PHF24: variants seen among roughly 807,000 people sequenced by gnomAD.
The protein encoded by PHF24 is Galpha inhibitory interacting protein.
PHF24 carries 25 observed loss-of-function variants against 42.6 expected under a neutral mutation model. That is an observed-to-expected ratio of 0.59 (90% CI 0.43 to 0.82). PHF24 has a LOEUF of 0.82. Ranked by LOEUF, PHF24 falls within the 40% of genes least tolerant of loss-of-function variation. The pLI is 0.00. For synonymous variants in PHF24, 185 were observed against 204.8 expected, an observed-to-expected ratio of 0.90 and a Z score of 0.83; for missense variants, 470 against 538.1, an observed-to-expected ratio of 0.87 and a Z score of 1.25.
the PHF24 span, among the ~76,000 whole-genome samples, chr9:34,768,188 G>C: frequency 6.6e-6 from 1 of 152,200 alleles, no homozygotes; most frequent in African/African-American, 2.4e-5. Flanking sequence ...TGCACTCCCA[G>C]AGCTTATTCT....
chr9:34,919,691 T>TACAC, the PHF24 span, among the ~76,000 whole-genome samples: 45 of 148,296 alleles, frequency 3.0e-4, 1 homozygote, highest in African/African-American at 9.2e-4. Flanking sequence ...ACCCAGTAAT[T>TACAC]ACACACACAC....
chr9:34,977,701 G>T lies in PHF24; in HGVS notation c.1106+60G>T, dbSNP rs180816093. The stretch of plus-strand genomic sequence containing the variant: ...CTCTGAACCCCCACAAAACACACAA[G>T]TAAGAGAGGGCATTACCCACTCCCA... On this transcript the variant is annotated intron_variant, in intron 7 of 7. Transcript: ENST00000242315. 133 of 1,377,188 alleles carry T rather than the reference G, an allele frequency of 9.7e-5. 3 individuals are homozygous for T. The East Asian group carries it at 3.2e-3, about 34-fold the overall frequency. 85.3% of individuals were successfully genotyped at this position (1,377,188 alleles called of 1,614,324 possible). A position where few individuals can be genotyped will look rare whatever the true frequency, so the allele number is the denominator to read the frequency against.
the PHF24 span, among the ~76,000 whole-genome samples, chr9:34,950,105 GA>G: frequency 6.6e-6 from 1 of 151,632 alleles, no homozygotes. Context: ...ATTAAAAAAA[GA>G]ATTGACTGGT....
chr9:34,976,455 C>T, intron 4 of PHF24, 80 bp from the exon 5 acceptor site: 4 of 1,484,730 alleles, frequency 2.7e-6, no homozygotes, highest in Non-Finnish European at 3.7e-6. Flanking sequence ...TTTGGGGGCC[C>T]CGAGGGTGCC....
At chr9:34,838,286 T>C in the PHF24 span, 1 of 699,868 alleles carries the variant, frequency 1.4e-6, no homozygotes, top group African/African-American at 1.8e-5. Context: ...GGAAGGACTC[T>C]GGAGCTTAAA....
the PHF24 span, among the ~76,000 whole-genome samples, chr9:34,935,994 CA>C: frequency 4.8e-4 from 69 of 142,760 alleles, no homozygotes; most frequent in South Asian, 1.3e-3. Context: ...TAAGAGTCCT[CA>C]AAAAAAAAAA....
chr9:34,881,564 CAG>C, the PHF24 span, among the ~76,000 whole-genome samples: 23 of 152,194 alleles, frequency 1.5e-4, no homozygotes, highest in Non-Finnish European at 2.9e-4. Flanking sequence ...AAACTATCAT[CAG>C]AGAATACTAT....
At chr9:34,811,417 G>A in the PHF24 span, among the ~76,000 whole-genome samples, 1 of 152,228 alleles carries the variant, frequency 6.6e-6, no homozygotes, top group African/African-American at 2.4e-5. Flanking sequence ...GAATGGGTAA[G>A]TCATGGCAGG....
chr9:34,693,829 A>T, the PHF24 span, among the ~76,000 whole-genome samples: 17 of 152,142 alleles, frequency 1.1e-4, no homozygotes, highest in African/African-American at 3.9e-4. Context: ...GTAAGTTATT[A>T]CTTTTTGTCC....
At chr9:34,838,741 A>C in the PHF24 span, among the ~76,000 whole-genome samples, 54,724 of 151,920 alleles carry the variant, frequency 0.36, 10,203 homozygotes, top group East Asian at 0.66. Context: ...AGCAGTGTCT[A>C]TTTCCTAGTC....
intron 1 of PHF24, among the ~76,000 whole-genome samples, chr9:34,962,054 A>C (rs1178023933): frequency 6.6e-6 from 1 of 152,192 alleles, no homozygotes; most frequent in Non-Finnish European, 1.5e-5. Context: ...TTGGGTCCTA[A>C]GGCCAAACAA....
the PHF24 span, among the ~76,000 whole-genome samples, chr9:34,875,944 ACACACACTCTCTCTCTCTCTCTCTCT>A: frequency 1.4e-4 from 12 of 85,586 alleles, no homozygotes; most frequent in Non-Finnish European, 2.0e-4. Context: ...ACACACACAC[ACACACACTCTCTCTCTCTCTCTCTCT>A]CTCTCTCTCT....
the PHF24 span, among the ~76,000 whole-genome samples, chr9:34,666,287 G>T: frequency 6.6e-6 from 1 of 152,138 alleles, no homozygotes; most frequent in Non-Finnish European, 1.5e-5. Flanking sequence ...AGCAAGAAAA[G>T]AGAGTTGGGA....
the PHF24 span, among the ~76,000 whole-genome samples, chr9:34,802,962 C>T: frequency 6.6e-6 from 1 of 152,152 alleles, no homozygotes; most frequent in Admixed American, 6.5e-5. Flanking sequence ...CCTGATTAAA[C>T]ATAAACAAAT....
At chr9:34,823,421 A>G in the PHF24 span, among the ~76,000 whole-genome samples, 5 of 152,090 alleles carry the variant, frequency 3.3e-5, no homozygotes, top group Non-Finnish European at 7.4e-5. Flanking sequence ...CATGCCATCC[A>G]GGAGGCCATT....
chr9:34,913,375 A>G, the PHF24 span, among the ~76,000 whole-genome samples: 4 of 152,174 alleles, frequency 2.6e-5, no homozygotes, highest in South Asian at 2.1e-4. Flanking sequence ...CAAGAAAACC[A>G]TGCCCTAACA....
At chr9:34,709,532 G>C in the PHF24 span, 1 of 1,614,086 alleles carries the variant, frequency 6.2e-7, no homozygotes, top group Non-Finnish European at 8.5e-7. Context: ...TTCCTTTCTT[G>C]CCAGTCTTGG....
the PHF24 span, among the ~76,000 whole-genome samples, chr9:34,902,554 T>C: frequency 1.3e-5 from 2 of 152,090 alleles, no homozygotes; most frequent in Non-Finnish European, 2.9e-5. Context: ...CTCAGGAGGC[T>C]GAGGTGGGAA....
the PHF24 span, among the ~76,000 whole-genome samples, chr9:34,853,021 G>A: frequency 1.8e-4 from 27 of 152,220 alleles, no homozygotes; most frequent in African/African-American, 6.3e-4. Context: ...GGTGAGAGAG[G>A]GCATCCTTGT....
Sources: allele counts gnomAD v4.1 joint callset (sites outside exome capture counted in the v4.1 genomes callset), GRCh38; gene constraint gnomAD v4.1.1; transcripts MANE v1.5; gene names NCBI Gene and HGNC (gene_info 2026-07-23, HGNC 2026-07-21).